Variants in LARP1B observed in about 807,000 individuals in gnomAD.
The protein encoded by LARP1B is La ribonucleoprotein 1B.
LARP1B carries 76 observed loss-of-function variants against 114.2 expected under a neutral mutation model. That is an observed-to-expected ratio of 0.67 (90% CI 0.55 to 0.81). The LOEUF is 0.81. Among genes scored for constraint, LARP1B ranks in the 30% least tolerant of loss-of-function variants. LARP1B has a pLI of 0.00. For synonymous variants in LARP1B, 345 were observed against 348.0 expected (o/e 0.99, Z 0.10); for missense variants, 1,014 against 1,075.8 (o/e 0.94, Z 0.80).
At chr4:128,145,103 G>A (rs925876345) in intron 11 of LARP1B, among the ~76,000 whole-genome samples, 20 of 152,108 alleles carry the variant, frequency 1.3e-4, no homozygotes, top group East Asian at 7.7e-4. Flanking sequence ...TTTATTGGGC[G>A]TTGTAGGCTA....
At chr4:128,129,398 T>G (rs1157729690) in intron 11 of LARP1B, among the ~76,000 whole-genome samples, 3 of 151,680 alleles carry the variant, frequency 2.0e-5, no homozygotes, top group African/African-American at 7.3e-5. Flanking sequence ...ACATTCCTTG[T>G]TCATATTATA....
intron 8 of LARP1B, among the ~76,000 whole-genome samples, chr4:128,103,695 T>A (rs1479768751): frequency 6.6e-6 from 1 of 151,900 alleles, no homozygotes; most frequent in African/African-American, 2.4e-5. Flanking sequence ...CCTGAGTAGC[T>A]GGGATTACAA....
At chr4:128,113,781 C>CTTTT (rs1156610852) in intron 9 of LARP1B, among the ~76,000 whole-genome samples, 13 of 114,236 alleles carry the variant, frequency 1.1e-4, no homozygotes, top group South Asian at 2.9e-4. Flanking sequence ...GACATTTACT[C>CTTTT]TTTTTTTTTT....
chr4:128,178,280 C>A, intron 13 of LARP1B, 151 bp from the exon 14 acceptor site: 1 of 594,994 alleles, frequency 1.7e-6, no homozygotes, highest in Non-Finnish European at 2.8e-6. Context: ...AGATAATGGT[C>A]AAAAAAGTAT....
At chr4:128,117,593 A>G (rs995842130) in intron 10 of LARP1B, among the ~76,000 whole-genome samples, 2 of 151,900 alleles carry the variant, frequency 1.3e-5, no homozygotes, top group African/African-American at 4.8e-5. Flanking sequence ...CATGTTGGCC[A>G]GGCTGTTCTC....
At chr4:128,222,012 T>C (rs1760075196) in intron 7 of LARP1B, among the ~76,000 whole-genome samples, 1 of 152,218 alleles carries the variant, frequency 6.6e-6, no homozygotes, top group African/African-American at 2.4e-5. Context: ...CTCCAGGTAT[T>C]GCAAGGTATT....
chr4:128,176,418 C>T (rs977120904), intron 12 of LARP1B, among the ~76,000 whole-genome samples: 2 of 150,958 alleles, frequency 1.3e-5, no homozygotes, highest in African/African-American at 2.4e-5. Flanking sequence ...CTCAGCCTCC[C>T]GAGTAGCTGG....
chr4:128,092,933 A>G (rs1776403260), intron 7 of LARP1B: 1 of 985,310 alleles, frequency 1.0e-6, no homozygotes, highest in African/African-American at 1.7e-5. Context: ...TGTCAGGATA[A>G]TCGGCCTCCA....
intron 15 of LARP1B, among the ~76,000 whole-genome samples, chr4:128,197,674 C>A (rs1415516921): frequency 6.6e-6 from 1 of 151,516 alleles, no homozygotes; most frequent in Non-Finnish European, 1.5e-5. Flanking sequence ...AGCCTGGCAA[C>A]AGAGCGACAC....
intron 9 of LARP1B, chr4:128,108,303 C>A: frequency 9.8e-7 from 1 of 1,023,684 alleles, no homozygotes; most frequent in East Asian, 8.6e-5. Flanking sequence ...GATTGAGTAG[C>A]ATTTCCCAGA....
At chr4:128,116,039 G>A (rs1332778272) in intron 10 of LARP1B, among the ~76,000 whole-genome samples, 3 of 152,170 alleles carry the variant, frequency 2.0e-5, no homozygotes, top group Admixed American at 6.5e-5. Flanking sequence ...TTATATATCT[G>A]GTTTATATAT....
At chr4:128,078,092 CAG>C in intron 4 of LARP1B, 130 bp downstream of exon 4, 2 of 582,930 alleles carry the variant, frequency 3.4e-6, no homozygotes, top group Non-Finnish European at 2.8e-6. Context: ...AAACAATCTG[CAG>C]AGGTAACTCA....
chr4:128,155,759 A>G lies in LARP1B; in HGVS notation c.1525-6435A>G. 3 of 1,606,734 alleles carry G rather than the reference A, an allele frequency of 1.9e-6. No individual in the cohort carries two copies. The South Asian group carries it at 3.3e-5, about 18-fold the overall frequency. On this transcript the variant is annotated intron_variant, in intron 11 of 19. Coordinates refer to ENST00000326639, the MANE Select transcript of LARP1B (RefSeq NM_018078.4). ...AAGCTGGCTGCGGCCAAGTGTAGGA[A>G]CTGGAGGAAGGAACTGACTGACTTC... is the stretch of plus-strand genomic sequence containing the variant.
At chr4:128,074,102 G>A (rs62335641) in intron 1 of LARP1B, among the ~76,000 whole-genome samples, 55 of 151,908 alleles carry the variant, frequency 3.6e-4, no homozygotes, top group Non-Finnish European at 6.5e-4. Context: ...CACTGTGCCC[G>A]GCTGATTTTG....
chr4:128,122,539 A>T (rs1205799900), intron 11 of LARP1B: 27 of 1,527,474 alleles, frequency 1.8e-5, no homozygotes, highest in Non-Finnish European at 2.4e-5. Context: ...GTTACTGTGG[A>T]CAGGCTTAAT....
rs187502985 is a variant in LARP1B at position 128,063,940 on chromosome 4, G to C, written c.-78+2539G>C. 3.3e-5 allele frequency among the ~76,000 whole-genome samples: 5 copies of C among 152,070 alleles called. No homozygotes were observed. The East Asian group carries it at 9.7e-4, about 29-fold the overall frequency. ...AAGAAATATTTGAGCGTGTTTACTG[G>C]CTTGTGAGGATCAAATGCGATGAAG... On this transcript the variant is annotated intron_variant, in intron 1 of 19. Transcript: ENST00000326639.
At chr4:128,096,587 C>G (rs1285297393) in intron 7 of LARP1B, among the ~76,000 whole-genome samples, 1 of 151,736 alleles carries the variant, frequency 6.6e-6, no homozygotes, top group African/African-American at 2.4e-5. Context: ...TTCTGTTCAC[C>G]CTTAATGTCT....
intron 6 of LARP1B, among the ~76,000 whole-genome samples, chr4:128,219,878 A>G (rs1206410113): frequency 6.6e-6 from 1 of 151,992 alleles, no homozygotes; most frequent in East Asian, 1.9e-4. Flanking sequence ...GCTTTGAAAT[A>G]CATTTTATTT....
chr4:128,079,086 GT>G (rs1402912669), intron 4 of LARP1B, among the ~76,000 whole-genome samples: 1 of 115,804 alleles, frequency 8.6e-6, no homozygotes. Flanking sequence ...TACTTGAATA[GT>G]TTGTCTTTTT....
Sources: gnomAD v4.1 joint callset for allele counts (sites outside exome capture counted in the v4.1 genomes callset) on GRCh38, gnomAD v4.1.1 for gene constraint, MANE v1.5 for transcripts, NCBI Gene and HGNC (gene_info 2026-07-23, HGNC 2026-07-21) for gene names.